Variants in DLC1 observed in about 807,000 individuals in gnomAD.
The protein encoded by DLC1 is DLC1 Rho GTPase activating protein, also known as rho GTPase-activating protein 7.
A neutral mutation model predicts 140.3 loss-of-function variants in DLC1; 54 were observed. The observed-to-expected ratio is 0.38, with a 90% CI of 0.31 to 0.48. The LOEUF is 0.48. Ranked by LOEUF, DLC1 falls within the 20% of genes least tolerant of loss-of-function variation. The pLI, the probability that DLC1 is intolerant of heterozygous loss-of-function variation, is 0.96. For missense variants in DLC1, 2,536 were observed against 1,907.0 expected (o/e 1.33, Z -6.14); for synonymous variants, 986 against 728.1 (o/e 1.35, Z -5.70).
chr8:13,206,962 C>T (rs1827695854), intron 5 of DLC1, among the ~76,000 whole-genome samples: 1 of 151,994 alleles, frequency 6.6e-6, no homozygotes, highest in South Asian at 2.1e-4. Flanking sequence ...TTAAACATTA[C>T]ATAATTTGTT....
intron 5 of DLC1, among the ~76,000 whole-genome samples, chr8:13,140,523 T>C (rs939967481): frequency 2.6e-5 from 4 of 151,762 alleles, no homozygotes; most frequent in Non-Finnish European, 1.5e-5. Context: ...TGAGCCACAG[T>C]GCCTGGCCAA....
In DLC1 at chr8:13,393,202, A is replaced by G. The variant is rs552289278; in HGVS notation, c.1314+351T>C. Among the ~76,000 whole-genome samples the G allele has an allele frequency of 1.6e-4, 24 of 152,216 alleles. No individual in the cohort carries two copies. In the East Asian group the frequency reaches 4.5e-3, roughly 28 times the overall value. ...CTATCATTCATCACATCTTAGAGGA[A>G]CAATTTTCTAACTGGTAAGCAATAC... is the stretch of plus-strand genomic sequence containing the variant. On this transcript the variant is annotated intron_variant, in intron 4 of 17. Transcript: ENST00000276297.
chr8:13,118,123 C>G lies in DLC1; in HGVS notation c.1349-2466G>C, dbSNP rs571268442. Reference sequence around the variant, plus strand: ...CTTCCGGGCTCAAATGATCCTCCCACCTCCGCCTCCCAAGTAGCTGAGATA... The same window carrying G: ...CTTCCGGGCTCAAATGATCCTCCCAGCTCCGCCTCCCAAGTAGCTGAGATA... On this transcript the variant is annotated intron_variant, in intron 5 of 17. Coordinates refer to ENST00000276297, the MANE Select transcript of DLC1 (RefSeq NM_182643.3). Among the ~76,000 whole-genome samples the G allele has an allele frequency of 7.2e-5, 11 of 151,736 alleles. No homozygotes were observed. In the East Asian group the frequency reaches 9.7e-4, roughly 13 times the overall value.
intron 1 of DLC1, among the ~76,000 whole-genome samples, chr8:13,513,406 T>C (rs1049218604): frequency 1.3e-5 from 2 of 152,150 alleles, no homozygotes; most frequent in East Asian, 1.9e-4. Flanking sequence ...TCAATATAAG[T>C]TATTCTAGCA....
chr8:13,300,434 CATAAA>C (rs1486698054), intron 5 of DLC1, among the ~76,000 whole-genome samples: 1 of 152,184 alleles, frequency 6.6e-6, no homozygotes, highest in Non-Finnish European at 1.5e-5. Context: ...CGCAGAACAT[CATAAA>C]ATAAAGTAAA....
intron 2 of DLC1, among the ~76,000 whole-genome samples, chr8:13,413,135 T>C (rs1368399143): frequency 6.6e-6 from 1 of 151,562 alleles, no homozygotes; most frequent in Non-Finnish European, 1.5e-5. Flanking sequence ...GTTTGCTAAG[T>C]AGGGAAAGAA....
chr8:13,225,540 A>C (rs1828754413), intron 5 of DLC1, among the ~76,000 whole-genome samples: 1 of 152,096 alleles, frequency 6.6e-6, no homozygotes, highest in South Asian at 2.1e-4. Context: ...AACAGCAGAG[A>C]TATGCTTTTC....
chr8:13,392,868 T>C (rs1836826317), intron 4 of DLC1, among the ~76,000 whole-genome samples: 1 of 152,194 alleles, frequency 6.6e-6, no homozygotes, highest in Non-Finnish European at 1.5e-5. Context: ...CTAATTATCA[T>C]AATAATAATG....
intron 4 of DLC1, among the ~76,000 whole-genome samples, chr8:13,382,772 C>T (rs962696988): frequency 2.6e-5 from 4 of 152,072 alleles, no homozygotes; most frequent in Non-Finnish European, 4.4e-5. Context: ...TCAGGCAGTT[C>T]TAAGTCCTCT....
chr8:13,163,750 G>T (rs1175566677), intron 5 of DLC1, among the ~76,000 whole-genome samples: 3 of 152,114 alleles, frequency 2.0e-5, no homozygotes, highest in African/African-American at 7.2e-5. Flanking sequence ...GGAGGCTGAG[G>T]TGGGAGGATA....
intron 2 of DLC1, among the ~76,000 whole-genome samples, chr8:13,437,347 G>C (rs1839165737): frequency 6.6e-6 from 1 of 152,190 alleles, no homozygotes; most frequent in Non-Finnish European, 1.5e-5. Context: ...GATGTATGTT[G>C]ATTTCTTCTA....
At chr8:13,284,065 C>G (rs1232644911) in intron 5 of DLC1, among the ~76,000 whole-genome samples, 3 of 152,112 alleles carry the variant, frequency 2.0e-5, no homozygotes, top group Admixed American at 2.0e-4. Context: ...TCCTGGAGTG[C>G]ACACAAGGCT....
chr8:13,390,278 C>A (rs1262579683), intron 4 of DLC1, among the ~76,000 whole-genome samples: 1 of 152,106 alleles, frequency 6.6e-6, no homozygotes, highest in African/African-American at 2.4e-5. Context: ...TCATGCATGC[C>A]CCTGCAAAGG....
chr8:13,566,599 G>A (rs73665146), intron 1 of DLC1, among the ~76,000 whole-genome samples: 73 of 152,266 alleles, frequency 4.8e-4, no homozygotes, highest in African/African-American at 1.6e-3. Context: ...TTTGTCACAG[G>A]CCACCTAACT....
chr8:13,504,537 C>A (rs542508441), intron 1 of DLC1, among the ~76,000 whole-genome samples: 147 of 152,174 alleles, frequency 9.7e-4, no homozygotes, highest in Admixed American at 3.1e-3. Context: ...TGCAATGGTA[C>A]CAGAAAGAAC....
intron 5 of DLC1, among the ~76,000 whole-genome samples, chr8:13,165,273 G>A (rs577169453): frequency 6.6e-6 from 1 of 152,144 alleles, no homozygotes; most frequent in East Asian, 1.9e-4. Context: ...GTCTTAATGA[G>A]ATTCTAAGTG....
intron 5 of DLC1, among the ~76,000 whole-genome samples, chr8:13,205,959 G>T (rs1827645000): frequency 6.6e-6 from 1 of 152,110 alleles, no homozygotes; most frequent in South Asian, 2.1e-4. Context: ...TCTCCCCCAT[G>T]GAAGGATCAA....
At chr8:13,429,955 C>T (rs540054555) in intron 2 of DLC1, among the ~76,000 whole-genome samples, 12 of 152,212 alleles carry the variant, frequency 7.9e-5, no homozygotes, top group South Asian at 2.1e-4. Context: ...CTGATATTTG[C>T]GTGTGCATAT....
intron 4 of DLC1, among the ~76,000 whole-genome samples, chr8:13,356,832 TC>T (rs1396832880): frequency 6.7e-6 from 1 of 150,368 alleles, no homozygotes; most frequent in Non-Finnish European, 1.5e-5. Flanking sequence ...CACACTTCAC[TC>T]TTTTTTTTAT....
Sources: allele counts gnomAD v4.1 joint callset (sites outside exome capture counted in the v4.1 genomes callset), GRCh38; gene constraint gnomAD v4.1.1; transcripts MANE v1.5; gene names NCBI Gene and HGNC (gene_info 2026-07-23, HGNC 2026-07-21).